Variants in ADAP2 observed in about 807,000 individuals in gnomAD.
ADAP2 encodes arf-GAP with dual PH domain-containing protein 2.
In ADAP2, 42 loss-of-function variants were observed where a neutral mutation model predicts 54.9. The observed-to-expected ratio is 0.77, with a 90% CI of 0.60 to 0.99. The LOEUF is 0.99. Ranked by LOEUF, ADAP2 falls within the 50% of genes least tolerant of loss-of-function variation. The pLI is 0.00. For synonymous variants in ADAP2, 177 were observed against 180.1 expected, an observed-to-expected ratio of 0.98 and a Z score of 0.14; for missense variants, 429 against 480.4, an observed-to-expected ratio of 0.89 and a Z score of 1.00.
At chr17:30,931,681 TGTG>T (rs1567716257) in intron 3 of ADAP2, among the ~76,000 whole-genome samples, 1 of 151,624 alleles carries the variant, frequency 6.6e-6, no homozygotes, top group African/African-American at 2.4e-5. Context: ...ATTAGCCAGG[TGTG>T]GTGGTGCCTG....
intron 7 of ADAP2, among the ~76,000 whole-genome samples, chr17:30,952,865 C>T (rs1388728103): frequency 6.6e-6 from 1 of 152,140 alleles, no homozygotes; most frequent in Non-Finnish European, 1.5e-5. Flanking sequence ...TTGGGAAAAT[C>T]CCCAGCCCCT....
intron 2 of ADAP2, among the ~76,000 whole-genome samples, chr17:30,925,334 C>T (rs546575500): frequency 6.6e-6 from 1 of 151,540 alleles, no homozygotes; most frequent in Non-Finnish European, 1.5e-5. Context: ...GGATTACAGG[C>T]GCCCGCCACC....
intron 4 of ADAP2, among the ~76,000 whole-genome samples, chr17:30,933,224 G>A (rs1303516234): frequency 2.6e-5 from 4 of 152,178 alleles, no homozygotes; most frequent in Non-Finnish European, 2.9e-5. Flanking sequence ...GTCTCACTCT[G>A]TTACCCAGGC....
intron 5 of ADAP2, among the ~76,000 whole-genome samples, chr17:30,938,019 A>G (rs1180058768): frequency 6.6e-6 from 1 of 152,248 alleles, no homozygotes; most frequent in Admixed American, 6.5e-5. Context: ...AGACTGGTTT[A>G]GTAATGGGAC....
intron 5 of ADAP2, among the ~76,000 whole-genome samples, chr17:30,940,548 G>T (rs944003962): frequency 5.3e-5 from 8 of 151,852 alleles, no homozygotes; most frequent in Non-Finnish European, 8.8e-5. Context: ...CAAGTGATTC[G>T]CCCGCCTTGG....
At chr17:30,954,420 ACCTCTAT>A (rs2142596667) in intron 8 of ADAP2, 51 bp from the exon 9 acceptor site, 1 of 1,510,514 alleles carries the variant, frequency 6.6e-7, no homozygotes, top group East Asian at 2.3e-5. Context: ...CTGGCCCCTG[ACCTCTAT>A]CCTCAGAAAC....
At chr17:30,923,193 G>A (rs559223284) in intron 2 of ADAP2, 123 bp downstream of exon 2, 11 of 1,122,402 alleles carry the variant, frequency 9.8e-6, no homozygotes, top group South Asian at 5.2e-5. Context: ...CTAGCTAGAG[G>A]AAACACAGCT....
chr17:30,946,493 A>C (rs1314201473), intron 6 of ADAP2, among the ~76,000 whole-genome samples: 2 of 152,150 alleles, frequency 1.3e-5, no homozygotes, highest in Non-Finnish European at 2.9e-5. Context: ...TGCTGGGATT[A>C]CAGGGGTGAG....
chr17:30,922,036 A>G lies in ADAP2; in HGVS notation c.22A>G (p.Lys8Glu). 1 of 1,276,918 alleles carries G rather than the reference A, an allele frequency of 7.8e-7. No individual in the cohort carries two copies. The highest frequency in any genetic ancestry group is 2.7e-5 in the South Asian group (1 of 36,456). 79.1% of individuals were successfully genotyped at this position (1,276,918 alleles called of 1,614,324 possible). Residue 8 changes from lysine (K) to glutamate (E), a missense_variant, in exon 1 of 11, where the codon AAG (lysine) becomes GAG (glutamate). By Grantham distance (56) the Lys-to-Glu change is moderately conservative. Coordinates refer to ENST00000330889, the MANE Select transcript of ADAP2 (RefSeq NM_018404.3). ...GGCCATGGGCGATCGCGAGCGCAAC[A>G]AGAAGCGGCTGCTGGAGCTGCTGCG... MGDRERN[K>E]KRLLELLRAP...
rs747964732 is a variant in ADAP2 at position 30,926,819 on chromosome 17, T to C, written c.226-8T>C. 1.2e-4 allele frequency: 198 copies of C among 1,613,738 alleles called. No homozygotes were observed. Among genetic ancestry groups the C allele is most frequent in the Non-Finnish European group, 1.6e-4 (194 of 1,179,756 alleles). On this transcript the variant is annotated splice_region_variant and splice_polypyrimidine_tract_variant and intron_variant, in intron 2 of 10. Transcript: ENST00000330889. ...CTAATATTACCTCAGGTTGCTGTTGTCTTGCAGTTTATGATCCACAATGGA... is the reference window on the plus strand; with the variant it reads ...CTAATATTACCTCAGGTTGCTGTTGCCTTGCAGTTTATGATCCACAATGGA...
intron 9 of ADAP2, 104 bp downstream of exon 9, chr17:30,954,659 C>T (rs1451913150): frequency 2.0e-6 from 2 of 981,840 alleles, no homozygotes; most frequent in Non-Finnish European, 3.1e-6. Flanking sequence ...CTCCCAGAGC[C>T]CCAGAGCTAG....
At chr17:30,945,674 T>G (rs926651248) in intron 6 of ADAP2, among the ~76,000 whole-genome samples, 8 of 151,960 alleles carry the variant, frequency 5.3e-5, no homozygotes, top group Admixed American at 5.2e-4. Context: ...GAGGATCGCT[T>G]GAGCCTGGGA....
At chr17:30,933,516 C>A (rs891785509) in intron 4 of ADAP2, among the ~76,000 whole-genome samples, 1 of 147,794 alleles carries the variant, frequency 6.8e-6, no homozygotes, top group African/African-American at 2.5e-5. Context: ...CCAGCAGATG[C>A]CCGGAGGGAG....
chr17:30,932,230 C>CTTT (rs769096794), intron 4 of ADAP2, among the ~76,000 whole-genome samples: 5 of 118,920 alleles, frequency 4.2e-5, no homozygotes, highest in East Asian at 2.3e-4. Flanking sequence ...TGTACAGACT[C>CTTT]TTTTTTTTTT....
At chr17:30,922,735 T>A (rs1484391005) in intron 1 of ADAP2, among the ~76,000 whole-genome samples, 1 of 152,126 alleles carries the variant, frequency 6.6e-6, no homozygotes, top group Non-Finnish European at 1.5e-5. Flanking sequence ...CCTCAGACTC[T>A]CTCCCCGGGC....
chr17:30,949,524 G>A (rs567037326), intron 7 of ADAP2, among the ~76,000 whole-genome samples, 154 bp downstream of exon 7: 11 of 152,054 alleles, frequency 7.2e-5, no homozygotes, highest in African/African-American at 1.2e-4. Context: ...TGAGGCGGGC[G>A]GATCACAAGG....
intron 6 of ADAP2, among the ~76,000 whole-genome samples, chr17:30,946,696 C>G (rs1399107785): frequency 2.6e-5 from 4 of 152,178 alleles, no homozygotes; most frequent in Non-Finnish European, 4.4e-5. Context: ...ATTAACTCCC[C>G]TGGGCACTGC....
intron 5 of ADAP2, among the ~76,000 whole-genome samples, chr17:30,938,387 C>T (rs935092985): frequency 6.6e-6 from 1 of 152,176 alleles, no homozygotes; most frequent in African/African-American, 2.4e-5. Flanking sequence ...GCTACCAGAC[C>T]TCTGGAAGGC....
At position 30,934,218 on chromosome 17, in the gene ADAP2, G is replaced by C. The variant is rs1016716497; in HGVS notation, c.431G>C (p.Arg144Thr). ...GAAGGATTCCTGTGGAAGCGAGGAA[G>C]GGACAACTCACAGTTTCTGAGAAGG... is the stretch of plus-strand genomic sequence containing the variant. ...NREGFLWKRGRDNSQFLRRKF... is the reference protein window; with the variant it reads ...NREGFLWKRGTDNSQFLRRKF... Residue 144 changes from arginine (R) to threonine (T), a missense_variant, in exon 5 of 11, where the codon AGG becomes ACG. Transcript: ENST00000330889. 1.2e-6 allele frequency: 2 copies of C among 1,614,084 alleles called. No individual in the cohort carries two copies. Among genetic ancestry groups the C allele is most frequent in the Non-Finnish European group, 1.7e-6 (2 of 1,179,980 alleles).
Sources: allele counts gnomAD v4.1 joint callset (sites outside exome capture counted in the v4.1 genomes callset), GRCh38; gene constraint gnomAD v4.1.1; transcripts MANE v1.5; gene names NCBI Gene and HGNC (gene_info 2026-07-23, HGNC 2026-07-21).